RNPS1: variants seen among roughly 807,000 people sequenced by gnomAD.
RNPS1 encodes RNA-binding protein with serine-rich domain 1.
For synonymous variants in RNPS1, 147 were observed against 150.0 expected (o/e 0.98, Z 0.15); for missense variants, 300 against 427.6 (o/e 0.70, Z 2.63).
intron 7 of RNPS1, 24 bp downstream of exon 7, chr16:2,255,561 C>T (rs1437688664): frequency 6.4e-7 from 1 of 1,556,572 alleles, no homozygotes; most frequent in Non-Finnish European, 8.7e-7. Flanking sequence ...CCTGATCAGT[C>T]CACTGAAACT....
intron 7 of RNPS1, among the ~76,000 whole-genome samples, chr16:2,254,938 T>C (rs977068628): frequency 4.0e-5 from 6 of 151,742 alleles, no homozygotes; most frequent in Non-Finnish European, 7.4e-5. Flanking sequence ...GAGACAAGGT[T>C]TCACTGTATT....
intron 4 of RNPS1, 122 bp downstream of exon 4, chr16:2,262,974 T>C: frequency 1.5e-6 from 2 of 1,315,598 alleles, no homozygotes; most frequent in South Asian, 2.7e-5. Flanking sequence ...TCACATACAT[T>C]ATTCCTGTCT....
Position 2,253,670 on chromosome 16 carries a change from C to A in RNPS1, c.*294G>T. 1.8e-6 allele frequency: 1 copy of A among 541,688 alleles called. No individual in the cohort carries two copies. The highest frequency in any genetic ancestry group is 3.3e-6 in the Non-Finnish European group (1 of 301,198). The allele number at this position is 541,688 out of a possible 1,614,324, so 33.6% of individuals were successfully genotyped here. On this transcript the variant is annotated 3_prime_UTR_variant, in exon 8 of 8. Coordinates refer to ENST00000320225, the MANE Select transcript of RNPS1 (RefSeq NM_080594.4). ...TCCCAGGTAAGCAGGGTCAAACCAC[C>A]CCCAAGAGCCTCACTTTTCCCTGGT...
intron 6 of RNPS1, among the ~76,000 whole-genome samples, chr16:2,259,565 G>T (rs1292186680): frequency 6.6e-5 from 10 of 152,150 alleles, no homozygotes; most frequent in Non-Finnish European, 1.5e-4. Flanking sequence ...TGTGACATCA[G>T]AATAAAGAAA....
intron 1 of RNPS1, chr16:2,266,007 C>T (rs1181935751): frequency 3.3e-6 from 2 of 611,910 alleles, no homozygotes; most frequent in Admixed American, 1.3e-4. Flanking sequence ...GCCCTATTTT[C>T]CAGGGACTTC....
chr16:2,266,551 C>T (rs2093625924), intron 1 of RNPS1: 14 of 976,810 alleles, frequency 1.4e-5, no homozygotes, highest in Non-Finnish European at 1.7e-5. Context: ...TTACCCAGGG[C>T]ATTAATTAAA....
chr16:2,266,599 CGTCCGG>C, intron 1 of RNPS1: 1 of 985,372 alleles, frequency 1.0e-6, no homozygotes, highest in South Asian at 4.7e-5. Flanking sequence ...TGTATCTCCA[CGTCCGG>C]AGGCTCCTTC....
At chr16:2,259,512 TA>T (rs1203441167) in intron 6 of RNPS1, among the ~76,000 whole-genome samples, 2 of 152,262 alleles carry the variant, frequency 1.3e-5, no homozygotes, top group Non-Finnish European at 1.5e-5. Context: ...TATAGAGTTC[TA>T]ACAGTTGCTC....
chr16:2,262,242 T>C, intron 6 of RNPS1, 36 bp downstream of exon 6: 1 of 1,596,608 alleles, frequency 6.3e-7, no homozygotes, highest in Non-Finnish European at 8.6e-7. Flanking sequence ...GCGGCGGGTC[T>C]CTGAGAGGTC....
At chr16:2,263,410 G>T in intron 3 of RNPS1, 123 bp from the exon 4 acceptor site, 1 of 888,454 alleles carries the variant, frequency 1.1e-6, no homozygotes. Context: ...AGGCCTCACT[G>T]CTTTCAGCAG....
Position 2,264,779 on chromosome 16 carries a change from G to C in RNPS1, c.-117-19C>G. The C allele has an allele frequency of 6.8e-7, 1 of 1,480,592 alleles. No homozygotes were observed. Among genetic ancestry groups the C allele is most frequent in the South Asian group, 1.3e-5 (1 of 74,896 alleles). The allele number at this position is 1,480,592 out of a possible 1,614,324, so 91.7% of individuals were successfully genotyped here. ...GAGCAGCCTAATAACAAGATAAAAG[G>C]GTTTAAAGAGTGAACGAATTGGCAA... On this transcript the variant is annotated intron_variant, in intron 1 of 7. Coordinates refer to ENST00000320225, the MANE Select transcript of RNPS1 (RefSeq NM_080594.4).
At chr16:2,260,127 T>TTTGTGTGTG (rs1413402891) in intron 6 of RNPS1, among the ~76,000 whole-genome samples, 1 of 151,450 alleles carries the variant, frequency 6.6e-6, no homozygotes, top group African/African-American at 2.4e-5. Flanking sequence ...TTGGAAACTA[T>TTTGTGTGTG]TTGTGTGTGT....
Position 2,253,917 on chromosome 16 carries a change from A to T in RNPS1, c.*47T>A. The T allele has an allele frequency of 6.7e-7, 1 of 1,493,482 alleles. No individual in the cohort carries two copies. Among genetic ancestry groups the T allele is most frequent in the Non-Finnish European group, 9.1e-7 (1 of 1,094,330 alleles). 92.5% of individuals were successfully genotyped at this position (1,493,482 alleles called of 1,614,324 possible). Reference sequence around the variant, plus strand: ...TTTGGCTAGAAAAGTGACAAAACTGAGCTGGGTGGGGTATAAGTTACAGGG... The same window carrying T: ...TTTGGCTAGAAAAGTGACAAAACTGTGCTGGGTGGGGTATAAGTTACAGGG... On this transcript the variant is annotated 3_prime_UTR_variant, in exon 8 of 8. Transcript: ENST00000320225.
intron 6 of RNPS1, chr16:2,262,077 T>C (rs1382753359): frequency 5.9e-6 from 3 of 512,466 alleles, no homozygotes; most frequent in Admixed American, 7.2e-5. Flanking sequence ...ACTCAGTTAA[T>C]GTGCATCTTG....
intron 1 of RNPS1, chr16:2,265,795 T>C (rs2093622819): frequency 6.6e-6 from 1 of 152,276 alleles, no homozygotes; most frequent in Admixed American, 6.5e-5. Flanking sequence ...TAAGTGGTCT[T>C]TATGTGAGTA....
intron 6 of RNPS1, chr16:2,256,881 C>T (rs1360473129): frequency 2.6e-5 from 4 of 152,160 alleles, no homozygotes; most frequent in East Asian, 1.9e-4. Context: ...GGCAGGGAAA[C>T]GGAAGGATTC....
chr16:2,264,518 T>A, intron 2 of RNPS1, 55 bp downstream of exon 2: 2 of 1,572,132 alleles, frequency 1.3e-6, no homozygotes, highest in Non-Finnish European at 1.7e-6. Flanking sequence ...TTTCTGCGGG[T>A]CCCTAGCAGT....
chr16:2,262,871 A>T (rs761395574), intron 4 of RNPS1, 29 bp from the exon 5 acceptor site: 1 of 1,587,150 alleles, frequency 6.3e-7, no homozygotes, highest in Admixed American at 1.7e-5. Flanking sequence ...CACCAGAAAC[A>T]ATTTCTGTCA....
chr16:2,267,793 G>A lies in RNPS1; in HGVS notation c.-118+262C>T, dbSNP rs540385798. 2.7e-5 allele frequency: 39 copies of A among 1,421,110 alleles called. No individual in the cohort carries two copies. In the African/African-American group the frequency reaches 5.2e-4, roughly 19 times the overall value. The allele number at this position is 1,421,110 out of a possible 1,614,324, so 88.0% of individuals were successfully genotyped here. A position where few individuals can be genotyped will look rare whatever the true frequency, so the allele number is the denominator to read the frequency against. On this transcript the variant is annotated intron_variant, in intron 1 of 7. Coordinates refer to ENST00000320225, the MANE Select transcript of RNPS1 (RefSeq NM_080594.4). ...GCTCCCCGCTGGTCTGAGTCCCGCG[G>A]GCCTGGCTGGGCCACCGCCGAGCGG...
Sources: allele counts gnomAD v4.1 joint callset (sites outside exome capture counted in the v4.1 genomes callset), GRCh38; gene constraint gnomAD v4.1.1; transcripts MANE v1.5; gene names NCBI Gene and HGNC (gene_info 2026-07-23, HGNC 2026-07-21).